Variants in BATF observed in about 807,000 individuals in gnomAD.
BATF encodes basic leucine zipper ATF-like transcription factor.
Under a neutral mutation model 13.7 loss-of-function variants are expected in BATF, and 5 were observed. That is an observed-to-expected ratio of 0.36 (90% CI 0.19 to 0.77). The LOEUF (loss-of-function observed/expected upper bound fraction) is 0.77, where lower values mean the gene tolerates loss of function less well. BATF is among the 30% of genes least tolerant of loss of function. BATF has a pLI of 0.51. For missense variants in BATF, 124 were observed against 163.0 expected, an observed-to-expected ratio of 0.76 and a Z score of 1.30; for synonymous variants, 72 against 67.5, an observed-to-expected ratio of 1.07 and a Z score of -0.33.
chr14:75,546,364 T>C (rs1887985758), intron 2 of BATF, 98 bp from the exon 3 acceptor site: 19 of 1,226,596 alleles, frequency 1.5e-5, no homozygotes, highest in Non-Finnish European at 2.2e-5. Context: ...GCTGTGCTAG[T>C]GAACAACTAA....
chr14:75,534,179 C>A (rs1014673590), intron 2 of BATF, among the ~76,000 whole-genome samples: 6 of 152,106 alleles, frequency 3.9e-5, no homozygotes, highest in African/African-American at 1.4e-4. Context: ...AAAATATTTG[C>A]ATCAAATTAA....
At chr14:75,524,502 A>G (rs1404785063) in intron 1 of BATF, among the ~76,000 whole-genome samples, 1 of 152,070 alleles carries the variant, frequency 6.6e-6, no homozygotes, top group Non-Finnish European at 1.5e-5. Context: ...TCAGCACCAG[A>G]AGATGTAGCA....
chr14:75,532,960 G>A (rs1887759796), intron 2 of BATF, among the ~76,000 whole-genome samples: 1 of 151,994 alleles, frequency 6.6e-6, no homozygotes, highest in Non-Finnish European at 1.5e-5. Flanking sequence ...TCTTATTCTT[G>A]GTACTTTTCT....
Position 75,525,659 on chromosome 14 carries a change from CAA to C in BATF, c.168+489_168+490del, listed in dbSNP as rs35718974. 4.4e-3 allele frequency among the ~76,000 whole-genome samples: 468 copies of C among 105,462 alleles called. 3 individuals carry two copies. The highest frequency in any genetic ancestry group is 0.011 in the African/African-American group (308 of 27,728). The allele number at this position is 105,462 out of a possible 152,430, so 69.2% of individuals were successfully genotyped here. A position where few individuals can be genotyped will look rare whatever the true frequency, so the allele number is the denominator to read the frequency against. On this transcript the variant is annotated intron_variant, in intron 2 of 2. Coordinates refer to ENST00000286639, the MANE Select transcript of BATF (RefSeq NM_006399.5). ...GGGTGATAGGAGTGAAACTTCATCT[CAA>C]AAAAAAAAAAAAAAAAATAGAAGGC...
chr14:75,529,183 TTAAC>T (rs1176554917), intron 2 of BATF, among the ~76,000 whole-genome samples: 2 of 152,042 alleles, frequency 1.3e-5, no homozygotes, highest in Non-Finnish European at 2.9e-5. Context: ...TGAAAAAAGA[TTAAC>T]TGACCAACAT....
intron 2 of BATF, among the ~76,000 whole-genome samples, chr14:75,534,875 A>G (rs891311752): frequency 6.6e-6 from 1 of 152,212 alleles, no homozygotes; most frequent in Non-Finnish European, 1.5e-5. Flanking sequence ...ATCACTGAAC[A>G]GAGACAAAAC....
intron 2 of BATF, among the ~76,000 whole-genome samples, chr14:75,530,539 A>T (rs1887717820): frequency 6.6e-6 from 1 of 152,240 alleles, no homozygotes; most frequent in Non-Finnish European, 1.5e-5. Context: ...AATATTGCAG[A>T]TATGTTAAAA....
At chr14:75,543,788 AC>A (rs1187303347) in intron 2 of BATF, among the ~76,000 whole-genome samples, 1 of 151,344 alleles carries the variant, frequency 6.6e-6, no homozygotes, top group Non-Finnish European at 1.5e-5. Flanking sequence ...CTGAGATCGC[AC>A]CATTGTACTC....
At chr14:75,544,999 T>A (rs1244877357) in intron 2 of BATF, among the ~76,000 whole-genome samples, 1 of 152,112 alleles carries the variant, frequency 6.6e-6, no homozygotes, top group Non-Finnish European at 1.5e-5. Context: ...GATTAATTAA[T>A]GATGTGATCA....
chr14:75,539,188 C>G (rs921441655), intron 2 of BATF, among the ~76,000 whole-genome samples: 1 of 152,196 alleles, frequency 6.6e-6, no homozygotes, highest in Admixed American at 6.5e-5. Context: ...CTCTAAGCAG[C>G]CATCCTCAGT....
At chr14:75,532,041 T>C (rs140789903) in intron 2 of BATF, among the ~76,000 whole-genome samples, 81 of 152,380 alleles carry the variant, frequency 5.3e-4, no homozygotes, top group African/African-American at 1.8e-3. Context: ...CAAACGACTA[T>C]GTATTAACCA....
chr14:75,544,573 A>AGG lies in BATF; in HGVS notation c.169-1889_169-1888insGG, dbSNP rs746570228. 7.5e-3 allele frequency among the ~76,000 whole-genome samples: 1,139 copies of AGG among 151,610 alleles called. 10 individuals carry two copies. Among genetic ancestry groups the AGG allele is most frequent in the Middle Eastern group, 0.024 (7 of 292 alleles). On this transcript the variant is annotated intron_variant, in intron 2 of 2. Transcript: ENST00000286639. ...GAGTGAGACTGTCTCAAAAAAAAAA[A>AGG]AAAAAAAAAAAAAATTCAGATCTGC...
At position 75,535,976 on chromosome 14, in the gene BATF, T is replaced by C. The variant is rs1887810466; in HGVS notation, c.169-10486T>C. On this transcript the variant is annotated intron_variant, in intron 2 of 2. Coordinates refer to ENST00000286639, the MANE Select transcript of BATF (RefSeq NM_006399.5). The stretch of plus-strand genomic sequence containing the variant: ...TATAAAGCAAAGGCCATATTATCAG[T>C]ACTAGAGCTGAGATCAGCGGAAGTG... Among the ~76,000 whole-genome samples, 4 of 152,172 alleles carry C rather than the reference T, an allele frequency of 2.6e-5. No homozygotes were observed. In the South Asian group the frequency reaches 8.3e-4, roughly 31 times the overall value.
At chr14:75,527,535 TG>T (rs1286418928) in intron 2 of BATF, among the ~76,000 whole-genome samples, 1 of 152,176 alleles carries the variant, frequency 6.6e-6, no homozygotes, top group Non-Finnish European at 1.5e-5. Flanking sequence ...TCCAAACCCT[TG>T]GGGAACGTAT....
chr14:75,546,906 A>T lies in BATF; in HGVS notation c.*235A>T, dbSNP rs1429881193. 13 of 710,578 alleles carry T rather than the reference A, an allele frequency of 1.8e-5. No individual in the cohort carries two copies. 44.0% of individuals were successfully genotyped at this position (710,578 alleles called of 1,614,324 possible). On this transcript the variant is annotated 3_prime_UTR_variant, in exon 3 of 3. Transcript: ENST00000286639. ...GTGGGTTGCAGGCCCAATGCAGAAGAGTATTAAGAAAGATGCTCAAGTCCC... is the reference window on the plus strand; with the variant it reads ...GTGGGTTGCAGGCCCAATGCAGAAGTGTATTAAGAAAGATGCTCAAGTCCC...
intron 2 of BATF, among the ~76,000 whole-genome samples, chr14:75,532,785 T>C (rs1255972345): frequency 6.6e-6 from 1 of 152,228 alleles, no homozygotes; most frequent in Non-Finnish European, 1.5e-5. Flanking sequence ...ATGTCAGTGA[T>C]ACAGCATTAA....
At chr14:75,536,498 G>T (rs1326985390) in intron 2 of BATF, among the ~76,000 whole-genome samples, 2 of 152,140 alleles carry the variant, frequency 1.3e-5, no homozygotes. Context: ...GGCCGAGTTG[G>T]TTGGATCATT....
intron 2 of BATF, among the ~76,000 whole-genome samples, chr14:75,541,787 C>T (rs746123633): frequency 5.3e-5 from 8 of 152,164 alleles, no homozygotes; most frequent in African/African-American, 1.9e-4. Context: ...CCTCAGCCTC[C>T]GGAGTTGCTG....
intron 2 of BATF, among the ~76,000 whole-genome samples, chr14:75,542,663 C>T (rs1211767428): frequency 6.6e-6 from 1 of 152,252 alleles, no homozygotes; most frequent in Non-Finnish European, 1.5e-5. Context: ...AACCCTTTCT[C>T]TCATAAGTGT....
Sources: gnomAD v4.1 joint callset for allele counts (sites outside exome capture counted in the v4.1 genomes callset) on GRCh38, gnomAD v4.1.1 for gene constraint, MANE v1.5 for transcripts, NCBI Gene and HGNC (gene_info 2026-07-23, HGNC 2026-07-21) for gene names.